The following GPC5 variants were observed in gnomAD, a reference collection of about 807,000 sequenced individuals.
GPC5 encodes the protein glypican-5.
Under a neutral mutation model 53.9 loss-of-function variants are expected in GPC5, and 47 were observed. The observed-to-expected ratio is 0.87, with a 90% confidence interval of 0.69 to 1.11. GPC5 has a LOEUF of 1.11. Ranked by LOEUF, GPC5 falls within the 50% of genes most tolerant of loss-of-function variation. The pLI is 0.00. For missense variants in GPC5, 748 were observed against 713.1 expected, an observed-to-expected ratio of 1.05 and a Z score of -0.56; for synonymous variants, 286 against 263.3, an observed-to-expected ratio of 1.09 and a Z score of -0.84.
At chr13:91,694,990 C>T (rs902359005) in intron 3 of GPC5, among the ~76,000 whole-genome samples, 2 of 152,176 alleles carry the variant, frequency 1.3e-5, no homozygotes, top group Non-Finnish European at 2.9e-5. Flanking sequence ...TGTCCAAACG[C>T]GTTTTCCCCT....
At chr13:91,761,759 A>G (rs59785653) in intron 5 of GPC5, among the ~76,000 whole-genome samples, 3,208 of 152,276 alleles carry the variant, frequency 0.021, 108 homozygotes, top group African/African-American at 0.072. Context: ...TCAGCTATCC[A>G]GAAGCTCTTT....
chr13:91,982,980 T>G (rs1192353293), intron 6 of GPC5, among the ~76,000 whole-genome samples: 1 of 152,080 alleles, frequency 6.6e-6, no homozygotes, highest in Non-Finnish European at 1.5e-5. Context: ...GAGCAATAAT[T>G]CCCTAGGCTC....
At chr13:91,918,950 T>A (rs1333584542) in intron 6 of GPC5, among the ~76,000 whole-genome samples, 1 of 152,178 alleles carries the variant, frequency 6.6e-6, no homozygotes, top group Non-Finnish European at 1.5e-5. Flanking sequence ...TTCCAAGATG[T>A]TTCTTCTGAG....
At chr13:91,857,429 A>G (rs1353917371) in intron 5 of GPC5, among the ~76,000 whole-genome samples, 1 of 151,482 alleles carries the variant, frequency 6.6e-6, no homozygotes, top group Non-Finnish European at 1.5e-5. Flanking sequence ...GTATTACTGT[A>G]TATATTTTAT....
intron 7 of GPC5, among the ~76,000 whole-genome samples, chr13:92,470,259 A>T (rs1282394450): frequency 6.6e-6 from 1 of 152,182 alleles, no homozygotes; most frequent in Non-Finnish European, 1.5e-5. Context: ...ATGGATATTT[A>T]TTATTTGCTC....
chr13:92,618,894 A>G (rs1019796827), intron 7 of GPC5, among the ~76,000 whole-genome samples: 2 of 151,992 alleles, frequency 1.3e-5, no homozygotes, highest in African/African-American at 4.8e-5. Flanking sequence ...AAGACATTGA[A>G]GTAAAACAAT....
intron 6 of GPC5, among the ~76,000 whole-genome samples, chr13:92,029,459 G>T (rs1374919826): frequency 6.6e-6 from 1 of 152,154 alleles, no homozygotes; most frequent in African/African-American, 2.4e-5. Flanking sequence ...AGCTAGAAGG[G>T]AGAAGCCAGG....
At chr13:92,178,917 G>A (rs564132440) in intron 7 of GPC5, among the ~76,000 whole-genome samples, 1 of 152,280 alleles carries the variant, frequency 6.6e-6, no homozygotes, top group South Asian at 2.1e-4. Flanking sequence ...GTTGCAGTGA[G>A]CCAAGATTGC....
chr13:91,456,832 ATT>A (rs67560339), intron 2 of GPC5, among the ~76,000 whole-genome samples: 5 of 143,220 alleles, frequency 3.5e-5, no homozygotes, highest in Admixed American at 7.0e-5. Context: ...TGAATATGGG[ATT>A]TTTTTTTTTT....
At chr13:92,121,727 C>T (rs1324565394) in intron 6 of GPC5, among the ~76,000 whole-genome samples, 1 of 152,174 alleles carries the variant, frequency 6.6e-6, no homozygotes, top group African/African-American at 2.4e-5. Context: ...CACCTTCAGA[C>T]TTCCAAATGT....
intron 7 of GPC5, among the ~76,000 whole-genome samples, chr13:92,805,418 T>C (rs1877057762): frequency 6.6e-6 from 1 of 152,010 alleles, no homozygotes. Context: ...TGGGAAGTAA[T>C]ATTTTGAAAG....
intron 2 of GPC5, among the ~76,000 whole-genome samples, chr13:91,619,339 C>G (rs149042664): frequency 6.6e-6 from 1 of 152,008 alleles, no homozygotes; most frequent in African/African-American, 2.4e-5. Context: ...TGCAGTGGAC[C>G]CCCAGCTCCT....
chr13:92,206,146 GT>G (rs780709379), intron 7 of GPC5, among the ~76,000 whole-genome samples: 49 of 131,816 alleles, frequency 3.7e-4, no homozygotes, highest in Admixed American at 2.5e-3. Context: ...TCGTTGTTGT[GT>G]TTTTTTTATT....
At chr13:92,634,248 C>T (rs968105174) in intron 7 of GPC5, among the ~76,000 whole-genome samples, 1 of 151,960 alleles carries the variant, frequency 6.6e-6, no homozygotes, top group Non-Finnish European at 1.5e-5. Flanking sequence ...TCCAAGATTA[C>T]CTTTCTCTGC....
intron 5 of GPC5, among the ~76,000 whole-genome samples, chr13:91,759,128 C>T (rs2037355591): frequency 6.6e-6 from 1 of 152,138 alleles, no homozygotes; most frequent in African/African-American, 2.4e-5. Flanking sequence ...TGATTGGACT[C>T]TATCTCTTTT....
chr13:92,777,279 T>C (rs932177405), intron 7 of GPC5, among the ~76,000 whole-genome samples: 1 of 142,670 alleles, frequency 7.0e-6, no homozygotes, highest in Non-Finnish European at 1.5e-5. Flanking sequence ...GAGGTTGCAG[T>C]GAGCCGAGAT....
chr13:92,793,336 A>C (rs1876536971), intron 7 of GPC5, among the ~76,000 whole-genome samples: 1 of 152,206 alleles, frequency 6.6e-6, no homozygotes, highest in Admixed American at 6.5e-5. Context: ...TTCGAAACCA[A>C]TGAGAACAAA....
intron 7 of GPC5, among the ~76,000 whole-genome samples, chr13:92,369,876 T>C (rs1215916220): frequency 6.6e-6 from 1 of 152,234 alleles, no homozygotes; most frequent in African/African-American, 2.4e-5. Flanking sequence ...TACTTTTAAA[T>C]GTTAACTCTA....
At chr13:91,415,763 T>C (rs1201321055) in intron 1 of GPC5, among the ~76,000 whole-genome samples, 1 of 151,480 alleles carries the variant, frequency 6.6e-6, no homozygotes, top group Non-Finnish European at 1.5e-5. Flanking sequence ...GGTGGGGGCT[T>C]GTAAGGAGAC....
Sources: allele counts gnomAD v4.1 joint callset (sites outside exome capture counted in the v4.1 genomes callset), GRCh38; gene constraint gnomAD v4.1.1; transcripts MANE v1.5; gene names NCBI Gene and HGNC (gene_info 2026-07-23, HGNC 2026-07-21).